Variants in DLEC1 observed in about 807,000 individuals in gnomAD.
The protein encoded by DLEC1 is deleted in lung and esophageal cancer protein 1.
A neutral mutation model predicts 198.1 loss-of-function variants in DLEC1; 146 were observed. The observed-to-expected ratio is 0.74, with a 90% CI of 0.64 to 0.85. The LOEUF is 0.85. Among genes scored for constraint, DLEC1 ranks in the 40% least tolerant of loss-of-function variants. The pLI is 0.00. For synonymous variants in DLEC1, 897 were observed against 866.8 expected (o/e 1.03, Z -0.61); for missense variants, 2,233 against 2,220.0 (o/e 1.01, Z -0.12).
At chr3:38,067,262 A>G (rs1488165756) in intron 6 of DLEC1, among the ~76,000 whole-genome samples, 2 of 152,236 alleles carry the variant, frequency 1.3e-5, no homozygotes, top group Admixed American at 6.5e-5. Flanking sequence ...TTTATGTCCC[A>G]TGTACCCTTT....
chr3:38,072,260 C>T lies in DLEC1; in HGVS notation c.1173+8341C>T, dbSNP rs9857829. Among the ~76,000 whole-genome samples, 1,134 of 151,868 alleles carry T rather than the reference C, an allele frequency of 7.5e-3. 14 individuals are homozygous for T. Among genetic ancestry groups the T allele is most frequent in the African/African-American group, 0.025 (1,049 of 41,380 alleles). On this transcript the variant is annotated intron_variant, in intron 6 of 36. Coordinates refer to ENST00000308059, the MANE Select transcript of DLEC1 (RefSeq NM_007335.4). ...GGAGCCGGGGAGCAGAAAGTATATG[C>T]GTCAGGTGTGAGGAAGAAAATAGAT... is the stretch of plus-strand genomic sequence containing the variant.
At chr3:38,080,699 G>A (rs1161390268) in intron 6 of DLEC1, among the ~76,000 whole-genome samples, 5 of 151,978 alleles carry the variant, frequency 3.3e-5, no homozygotes, top group Admixed American at 6.6e-5. Context: ...CACAGGCTAA[G>A]GGAGGAGAAG....
At chr3:38,095,658 T>C (rs1441900304) in intron 13 of DLEC1, 3 of 544,554 alleles carry the variant, frequency 5.5e-6, no homozygotes, top group Admixed American at 3.1e-5. Context: ...CTTTGCTTCT[T>C]GCACCCAGGC....
Position 38,092,880 on chromosome 3 carries a change from G to C in DLEC1, c.1756G>C (p.Gly586Arg), listed in dbSNP as rs920767379. 1.9e-6 allele frequency: 3 copies of C among 1,614,082 alleles called. No homozygotes were observed. Among genetic ancestry groups the C allele is most frequent in the Admixed American group, 3.3e-5 (2 of 60,006 alleles). ...CCAGATAAAGGAGCTGGTGACCATA[G>C]GTGGGCTTGAGTGTACTCCCAGGGG... is the stretch of plus-strand genomic sequence containing the variant. Reference protein sequence around the residue: ...NCQIKELVTIGIGQLIALDLI... With the variant: ...NCQIKELVTIRIGQLIALDLI... The change falls in exon 11 of 37, where the codon GGA (glycine) becomes CGA (arginine). Residue 586 changes from glycine (G) to arginine (R), a missense_variant and splice_region_variant. Physicochemically the swap from Gly to Arg is moderately radical, Grantham distance 125. Coordinates refer to ENST00000308059, the MANE Select transcript of DLEC1 (RefSeq NM_007335.4).
At chr3:38,098,000 G>T in intron 18 of DLEC1, 98 bp downstream of exon 18, 2 of 1,462,780 alleles carry the variant, frequency 1.4e-6, no homozygotes, top group South Asian at 2.6e-5. Flanking sequence ...TCAGAGCTTC[G>T]AGGCTGGTGG....
Position 38,122,477 on chromosome 3 carries a change from GCAGCTCTT to G in DLEC1, c.*70_*77del. ...AAAAAACATTGCCCAGGGATTAGGA[GCAGCTCTT>G]CAGCACAAAGACACAGACTTGGGGA... On this transcript the variant is annotated 3_prime_UTR_variant, in exon 37 of 37. Transcript: ENST00000308059. The G allele has an allele frequency of 6.2e-7, 1 of 1,613,614 alleles. No individual in the cohort carries two copies. The highest frequency in any genetic ancestry group is 8.5e-7 in the Non-Finnish European group (1 of 1,179,950).
At chr3:38,045,817 T>A in intron 2 of DLEC1, 124 bp downstream of exon 2, 1 of 982,648 alleles carries the variant, frequency 1.0e-6, no homozygotes, top group Non-Finnish European at 1.5e-6. Flanking sequence ...GCAGACATGA[T>A]AATATGAATA....
Position 38,117,830 on chromosome 3 carries a change from C to G in DLEC1, c.4510C>G (p.His1504Asp), listed in dbSNP as rs755432730. 3 of 1,614,134 alleles carry G rather than the reference C, an allele frequency of 1.9e-6. No individual in the cohort carries two copies. The South Asian group carries it at 3.3e-5, about 18-fold the overall frequency. ...SGVLSELVTT[H>D]HLKLTNTTEI... Reference sequence around the variant, plus strand: ...GGTGCTGAGTGAGCTGGTGACCACCCACCACCTGAAGCTGACCAACACTAC... The same window carrying G: ...GGTGCTGAGTGAGCTGGTGACCACCGACCACCTGAAGCTGACCAACACTAC... The change falls in exon 33 of 37, where the codon CAC becomes GAC. Residue 1504 changes from histidine (H) to aspartate (D), a missense_variant. By Grantham distance (81) the His-to-Asp change is moderately conservative (BLOSUM62 -1). Coordinates refer to ENST00000308059, the MANE Select transcript of DLEC1 (RefSeq NM_007335.4).
intron 6 of DLEC1, among the ~76,000 whole-genome samples, chr3:38,082,294 C>T (rs1229051072): frequency 1.5e-4 from 21 of 139,114 alleles, no homozygotes; most frequent in African/African-American, 3.9e-4. Context: ...CGGGCGGAGA[C>T]GCTCCTCACT....
rs1210572823 is a variant in DLEC1 at position 38,110,185 on chromosome 3, T to TCATTCTCACCAATCGCTC, written c.3349_3366dup (p.Ile1117_Ser1122dup). The TCATTCTCACCAATCGCTC allele has an allele frequency of 6.2e-7, 1 of 1,614,212 alleles. No individual in the cohort carries two copies. Among genetic ancestry groups the TCATTCTCACCAATCGCTC allele is most frequent in the South Asian group, 1.1e-5 (1 of 91,090 alleles). The stretch of plus-strand genomic sequence containing the variant: ...CTGAGGACCCGTGTGACTCGCCAGC[T>TCATTCTCACCAATCGCTC]CATTCTCACCAATCGCTCCCCAATA... On this transcript the variant is annotated inframe_insertion, in exon 23 of 37. Transcript: ENST00000308059.
intron 2 of DLEC1, chr3:38,052,375 G>A (rs1427761974): frequency 3.4e-6 from 1 of 297,086 alleles, no homozygotes; most frequent in Admixed American, 3.7e-5. Flanking sequence ...TGATAGCTTT[G>A]AATGTTGCTG....
intron 1 of DLEC1, among the ~76,000 whole-genome samples, chr3:38,041,839 C>A (rs1575372756): frequency 1.5e-5 from 2 of 134,930 alleles, no homozygotes; most frequent in South Asian, 2.4e-4. Context: ...CAGAACGAGA[C>A]TCCGTTTCAA....
intron 2 of DLEC1, among the ~76,000 whole-genome samples, chr3:38,050,122 G>A (rs979019114): frequency 2.6e-5 from 4 of 151,608 alleles, no homozygotes; most frequent in African/African-American, 4.9e-5. Flanking sequence ...AGGCTGGAGT[G>A]CAGTGGTGCA....
At chr3:38,121,851 G>A (rs1374578673) in intron 35 of DLEC1, 70 bp downstream of exon 35, 8 of 1,573,312 alleles carry the variant, frequency 5.1e-6, no homozygotes, top group Non-Finnish European at 6.9e-6. Flanking sequence ...CCCCCAGGAA[G>A]GGGCCCCTGT....
chr3:38,083,807 T>G (rs1315501202), intron 6 of DLEC1, among the ~76,000 whole-genome samples: 2 of 152,064 alleles, frequency 1.3e-5, no homozygotes, highest in South Asian at 2.1e-4. Flanking sequence ...TTTGTTTTTT[T>G]TTTTGGTAGA....
In DLEC1 at chr3:38,063,276, A is replaced by G. The variant is rs998476365; in HGVS notation, c.1094+475A>G. ...AACTATTAACATTTCTTTATTAGACAACTAATATTTTTTATTAAGAAAAAT... is the reference window on the plus strand; with the variant it reads ...AACTATTAACATTTCTTTATTAGACGACTAATATTTTTTATTAAGAAAAAT... On this transcript the variant is annotated intron_variant, in intron 5 of 36. Coordinates refer to ENST00000308059, the MANE Select transcript of DLEC1 (RefSeq NM_007335.4). Among the ~76,000 whole-genome samples, 10 of 152,352 alleles carry G rather than the reference A, an allele frequency of 6.6e-5. No homozygotes were observed. In the Middle Eastern group the frequency reaches 0.01, roughly 155 times the overall value.
chr3:38,104,835 T>C lies in DLEC1; in HGVS notation c.2865-2749T>C, dbSNP rs1699487268. The stretch of plus-strand genomic sequence containing the variant: ...TTATTATTTCTGTCCTTCCACTTGC[T>C]TTGGGTTTAGTTTGCTCTTCTCTTT... On this transcript the variant is annotated intron_variant, in intron 19 of 36. Coordinates refer to ENST00000308059, the MANE Select transcript of DLEC1 (RefSeq NM_007335.4). Among the ~76,000 whole-genome samples the C allele has an allele frequency of 3.3e-5, 5 of 152,184 alleles. No homozygotes were observed. In the South Asian group the frequency reaches 1.0e-3, roughly 31 times the overall value.
chr3:38,064,519 A>G (rs1696888931), intron 6 of DLEC1, among the ~76,000 whole-genome samples: 1 of 152,132 alleles, frequency 6.6e-6, no homozygotes, highest in South Asian at 2.1e-4. Context: ...TCCATGAGCT[A>G]TTGGGTACAC....
At chr3:38,110,939 T>C (rs891116921) in intron 23 of DLEC1, among the ~76,000 whole-genome samples, 3 of 151,774 alleles carry the variant, frequency 2.0e-5, no homozygotes, top group African/African-American at 7.3e-5. Flanking sequence ...CACACACACA[T>C]ATACATAAAC....
Sources: gnomAD v4.1 joint callset for allele counts (sites outside exome capture counted in the v4.1 genomes callset) on GRCh38, gnomAD v4.1.1 for gene constraint, MANE v1.5 for transcripts, NCBI Gene and HGNC (gene_info 2026-07-23, HGNC 2026-07-21) for gene names.